The following RELCH variants were observed in gnomAD, a reference collection of about 807,000 sequenced individuals.
RELCH encodes the protein RAB11 binding and LisH domain, coiled-coil and HEAT repeat containing.
In RELCH, 41 loss-of-function variants were observed where a neutral mutation model predicts 150.3. The ratio of observed to expected loss-of-function variants is 0.27; its 90% CI spans 0.21 to 0.35. The LOEUF (loss-of-function observed/expected upper bound fraction) is 0.35. Ranked by LOEUF, RELCH falls within the 10% of genes least tolerant of loss-of-function variation. RELCH has a pLI of 1.00. For synonymous variants in RELCH, 478 were observed against 531.8 expected, an observed-to-expected ratio of 0.90 and a Z score of 1.39; for missense variants, 1,092 against 1,467.8, an observed-to-expected ratio of 0.74 and a Z score of 4.18.
chr18:62,253,267 T>TTGTGTG (rs68067609), intron 12 of RELCH, among the ~76,000 whole-genome samples: 11,408 of 136,332 alleles, frequency 0.084, 574 homozygotes, highest in Middle Eastern at 0.16. Flanking sequence ...AGCAAGAAGA[T>TTGTGTG]TGTGTGTGTG....
At chr18:62,194,744 ACGG>A (rs2038905386) in intron 1 of RELCH, among the ~76,000 whole-genome samples, 1 of 152,196 alleles carries the variant, frequency 6.6e-6, no homozygotes, top group South Asian at 2.1e-4. Context: ...TTGATTATAA[ACGG>A]TTTAAAGATT....
chr18:62,278,223 A>G (rs1025582391), intron 22 of RELCH, among the ~76,000 whole-genome samples: 9 of 152,198 alleles, frequency 5.9e-5, no homozygotes, highest in Non-Finnish European at 1.0e-4. Flanking sequence ...CAGACTCAAG[A>G]TAGCAGAAAT....
chr18:62,227,774 C>A, intron 7 of RELCH, 85 bp downstream of exon 7: 1 of 612,522 alleles, frequency 1.6e-6, no homozygotes, highest in Non-Finnish European at 2.8e-6. Context: ...AAACAATATT[C>A]CAGTTGCAAG....
At chr18:62,220,823 T>C (rs2040819687) in intron 2 of RELCH, 2 of 563,460 alleles carry the variant, frequency 3.5e-6, no homozygotes, top group South Asian at 4.5e-5. Context: ...AATAACCCCC[T>C]GAATTCTACT....
intron 1 of RELCH, among the ~76,000 whole-genome samples, chr18:62,206,077 TTTTG>T (rs888989431): frequency 1.3e-5 from 2 of 152,094 alleles, no homozygotes; most frequent in Non-Finnish European, 2.9e-5. Context: ...TTTTGTTTGT[TTTTG>T]TTTGTTTGTT....
intron 6 of RELCH, 24 bp from the exon 7 acceptor site, chr18:62,227,574 G>A (rs2041298301): frequency 6.5e-7 from 1 of 1,531,228 alleles, no homozygotes; most frequent in East Asian, 2.3e-5. Flanking sequence ...TTGAGTTTCT[G>A]TTTTTCTCCT....
At chr18:62,271,722 T>A (rs1383362637) in intron 20 of RELCH, among the ~76,000 whole-genome samples, 1 of 152,218 alleles carries the variant, frequency 6.6e-6, no homozygotes, top group African/African-American at 2.4e-5. Flanking sequence ...TGGTTTTAGG[T>A]CTAACGTTTA....
At chr18:62,233,661 G>C (rs1288125619) in intron 10 of RELCH, among the ~76,000 whole-genome samples, 1 of 151,980 alleles carries the variant, frequency 6.6e-6, no homozygotes, top group Non-Finnish European at 1.5e-5. Context: ...CTGCTTGGCA[G>C]AATGGTGTTT....
intron 21 of RELCH, 60 bp downstream of exon 21, chr18:62,274,146 T>TA (rs1023891370): frequency 2.9e-6 from 3 of 1,035,228 alleles, no homozygotes; most frequent in Non-Finnish European, 4.5e-6. Context: ...ATTGGATTTA[T>TA]AGAGTACATA....
intron 2 of RELCH, among the ~76,000 whole-genome samples, chr18:62,219,485 TAG>T (rs2040709233): frequency 6.7e-6 from 1 of 149,284 alleles, no homozygotes. Context: ...ATCAATTGCC[TAG>T]AGTTTTAAAA....
chr18:62,190,525 C>T (rs1299398363), intron 1 of RELCH, among the ~76,000 whole-genome samples: 1 of 151,784 alleles, frequency 6.6e-6, no homozygotes, highest in Non-Finnish European at 1.5e-5. Flanking sequence ...TACAGTGAGC[C>T]GAGATCCCAC....
intron 1 of RELCH, among the ~76,000 whole-genome samples, chr18:62,188,865 T>A (rs1366783819): frequency 6.6e-6 from 1 of 152,246 alleles, no homozygotes; most frequent in African/African-American, 2.4e-5. Context: ...TGTCTCCCTT[T>A]TGGGAGGTAT....
At position 62,268,928 on chromosome 18, in the gene RELCH, G is replaced by A. The variant is rs771598235; in HGVS notation, c.2740G>A (p.Val914Ile). 3.9e-6 allele frequency: 6 copies of A among 1,539,440 alleles called. No homozygotes were observed. In the South Asian group the frequency reaches 5.1e-5, roughly 13 times the overall value. ...KATVPIYATG[V>I]LTCYIQEEDR... ...TACAGTCCCCATTTATGCAACAGGA[G>A]TCCTTACGTGTTATATTCAGGTAAG... The change falls in exon 20 of 29, where the codon GTC becomes ATC. Residue 914 changes from valine to isoleucine, a missense_variant. Around this residue, in one of 4 missense-constraint regions of RELCH, gnomAD observed 707 missense variants for 1,025.4 expected, o/e 0.69. Transcript: ENST00000644646.
chr18:62,256,801 C>T (rs540000527), intron 13 of RELCH, among the ~76,000 whole-genome samples: 9 of 152,012 alleles, frequency 5.9e-5, no homozygotes, highest in Non-Finnish European at 1.0e-4. Flanking sequence ...CCACTTGAAG[C>T]TTATTTTCCT....
chr18:62,219,311 T>C (rs923095971), intron 2 of RELCH, among the ~76,000 whole-genome samples: 4 of 109,566 alleles, frequency 3.7e-5, no homozygotes, highest in African/African-American at 1.4e-4. Flanking sequence ...TAACCAGTTT[T>C]TTTTTCTTTT....
At chr18:62,208,505 T>A (rs2039956505) in intron 1 of RELCH, among the ~76,000 whole-genome samples, 1 of 152,210 alleles carries the variant, frequency 6.6e-6, no homozygotes, top group African/African-American at 2.4e-5. Context: ...ATGGTTCTTT[T>A]TTTTCTAATT....
At chr18:62,299,382 A>G (rs1029024241) in intron 28 of RELCH, among the ~76,000 whole-genome samples, 2 of 152,202 alleles carry the variant, frequency 1.3e-5, no homozygotes, top group Non-Finnish European at 2.9e-5. Flanking sequence ...TTTACAAATG[A>G]GCTGTACGTA....
chr18:62,289,443 G>A (rs772809965), intron 26 of RELCH, among the ~76,000 whole-genome samples: 8 of 152,256 alleles, frequency 5.3e-5, no homozygotes, highest in Middle Eastern at 3.4e-3. Flanking sequence ...ATAATAAGTC[G>A]AGAAGTCATG....
At chr18:62,280,407 T>G (rs1488122326) in intron 23 of RELCH, 1 of 1,613,918 alleles carries the variant, frequency 6.2e-7, no homozygotes, top group East Asian at 2.2e-5. Context: ...AGCGGGTTGC[T>G]CCGGCCCTTG....
Sources: allele counts gnomAD v4.1 joint callset (sites outside exome capture counted in the v4.1 genomes callset), GRCh38; gene constraint gnomAD v4.1.1; regional missense constraint gnomAD v4.1.1; transcripts MANE v1.5; gene names NCBI Gene and HGNC (gene_info 2026-07-23, HGNC 2026-07-21).